DOCK1: variants seen among roughly 807,000 people sequenced by gnomAD.
DOCK1 encodes the protein dedicator of cytokinesis protein 1.
A neutral mutation model predicts 262.7 loss-of-function variants in DOCK1; 138 were observed. That is an observed-to-expected ratio of 0.53 (90% CI 0.46 to 0.61). The LOEUF (loss-of-function observed/expected upper bound fraction) is 0.61. Ranked by LOEUF, DOCK1 falls within the 20% of genes least tolerant of loss-of-function variation. The pLI, the probability that DOCK1 is intolerant of heterozygous loss-of-function variation, is 0.00. For synonymous variants in DOCK1, 866 were observed against 867.4 expected (o/e 1.00, Z 0.03); for missense variants, 1,908 against 2,370.7 (o/e 0.80, Z 4.05).
chr10:127,363,144 G>T (rs1477010841), intron 33 of DOCK1, among the ~76,000 whole-genome samples: 1 of 149,814 alleles, frequency 6.7e-6, no homozygotes. Context: ...GTTTGGCCAT[G>T]ATGCTTTGCA....
intron 29 of DOCK1, among the ~76,000 whole-genome samples, chr10:127,318,660 A>G (rs886633689): frequency 2.6e-5 from 4 of 152,130 alleles, no homozygotes; most frequent in Non-Finnish European, 5.9e-5. Flanking sequence ...TCATTGTGTA[A>G]GGTGTTTTGA....
chr10:127,194,672 C>G (rs1488845011), intron 27 of DOCK1, among the ~76,000 whole-genome samples: 2 of 152,286 alleles, frequency 1.3e-5, no homozygotes, highest in Admixed American at 6.5e-5. Flanking sequence ...ACAGTCCCCC[C>G]ACTGAGATAA....
rs1004876591 is a variant in DOCK1 at position 127,175,612 on chromosome 10, T to G, written c.2847+47848T>G. Reference sequence around the variant, plus strand: ...AAACCAGGCTCGGGGGCCCTGGCACTGAGGGCAGGTGCGTAAACGGTGGCA... The same window carrying G: ...AAACCAGGCTCGGGGGCCCTGGCACGGAGGGCAGGTGCGTAAACGGTGGCA... On this transcript the variant is annotated intron_variant, in intron 27 of 51. Transcript: ENST00000623213. The surrounding 1 kb of genome is among the most constrained non-coding windows in gnomAD (Gnocchi z 6.3). 1 of 1,612,870 alleles carries G rather than the reference T, an allele frequency of 6.2e-7. No homozygotes were observed. The highest frequency in any genetic ancestry group is 1.3e-5 in the African/African-American group (1 of 74,926).
At chr10:127,005,713 C>T (rs11017446) in intron 10 of DOCK1, among the ~76,000 whole-genome samples, 14,356 of 151,964 alleles carry the variant, frequency 0.094, 891 homozygotes, top group African/African-American at 0.17. Context: ...CAGGGTAGTA[C>T]CTCATGTTTA....
At chr10:127,140,786 G>T (rs1048950650) in intron 27 of DOCK1, among the ~76,000 whole-genome samples, 3 of 152,200 alleles carry the variant, frequency 2.0e-5, no homozygotes, top group South Asian at 2.1e-4. Context: ...TAGCTAAATG[G>T]ATCAAAAGGC....
At chr10:127,286,022 G>A (rs996657951) in intron 29 of DOCK1, among the ~76,000 whole-genome samples, 2 of 152,150 alleles carry the variant, frequency 1.3e-5, no homozygotes, top group African/African-American at 4.8e-5. Flanking sequence ...GTCCTAGCAT[G>A]CCCTTTTTCC....
At chr10:126,913,204 CT>C (rs1591292756) in intron 1 of DOCK1, among the ~76,000 whole-genome samples, 1 of 152,322 alleles carries the variant, frequency 6.6e-6, no homozygotes, top group East Asian at 1.9e-4. Flanking sequence ...GTGAGTGTGG[CT>C]CAGTCTCTGA....
rs1386524728 is a variant in DOCK1 at position 127,425,920 on chromosome 10, C to T, written c.4823C>T (p.Thr1608Met). 7 of 1,613,858 alleles carry T rather than the reference C, an allele frequency of 4.3e-6. No individual in the cohort carries two copies. Among genetic ancestry groups the T allele is most frequent in the African/African-American group, 4.0e-5 (3 of 74,920 alleles). The change falls in exon 47 of 52, where the codon ACG becomes ATG. Residue 1608 changes from threonine to methionine, a missense_variant. Physicochemically the swap from Thr to Met is moderately conservative, Grantham distance 81. Around this residue, in one of 9 missense-constraint regions of DOCK1, gnomAD observed 383 missense variants for 420.1 expected, o/e 0.91. Transcript: ENST00000623213. ...ATCAGAATCCATGGAGACAAAGTCA[C>T]GGAGGCACTGAGGCCGTTCCACGAG... is the stretch of plus-strand genomic sequence containing the variant. ...EGIRIHGDKVTEALRPFHERM... is the reference protein window; with the variant it reads ...EGIRIHGDKVMEALRPFHERM...
chr10:127,265,543 C>CT (rs2060324073), intron 29 of DOCK1, among the ~76,000 whole-genome samples: 1 of 152,200 alleles, frequency 6.6e-6, no homozygotes, highest in African/African-American at 2.4e-5. Flanking sequence ...ATGATTCATC[C>CT]TTCTTTCAAC....
intron 38 of DOCK1, among the ~76,000 whole-genome samples, chr10:127,399,034 G>A (rs766508276): frequency 6.6e-6 from 1 of 152,166 alleles, no homozygotes; most frequent in East Asian, 1.9e-4. Context: ...AAACCAAGAG[G>A]TTCAGAAGAA....
At position 127,354,706 on chromosome 10, in the gene DOCK1, A is replaced by G. The variant is rs987430227; in HGVS notation, c.3262A>G (p.Arg1088Gly). The G allele has an allele frequency of 6.2e-7, 1 of 1,613,842 alleles. No homozygotes were observed. Among genetic ancestry groups the G allele is most frequent in the African/African-American group, 1.3e-5 (1 of 74,936 alleles). ...GAGGAGACAGATTGGCTTTGAAATC[A>G]GAGACATGTGGTACAACCTTGGTGA... ...DMRRQIGFEI[R>G]DMWYNLGQHK... is the part of the protein sequence containing the mutation. Residue 1088 changes from arginine (R) to glycine (G), a missense_variant, in exon 32 of 52, where the codon AGA (arginine) becomes GGA (glycine). Physicochemically the swap from Arg to Gly is moderately radical, Grantham distance 125. Transcript: ENST00000623213.
chr10:127,010,568 G>T (rs950715270), intron 11 of DOCK1, among the ~76,000 whole-genome samples: 1 of 152,166 alleles, frequency 6.6e-6, no homozygotes, highest in Non-Finnish European at 1.5e-5. Flanking sequence ...CAGTGGCCCC[G>T]TCCTGGGCAG....
At chr10:127,070,739 CAT>C (rs1231525789) in intron 23 of DOCK1, among the ~76,000 whole-genome samples, 1 of 150,860 alleles carries the variant, frequency 6.6e-6, no homozygotes, top group African/African-American at 2.4e-5. Flanking sequence ...CTAGTGTGCA[CAT>C]GAGTCACCTG....
At chr10:127,309,355 T>C (rs2061983005) in intron 29 of DOCK1, among the ~76,000 whole-genome samples, 1 of 152,178 alleles carries the variant, frequency 6.6e-6, no homozygotes, top group South Asian at 2.1e-4. Context: ...GTCAGATGGG[T>C]AGATTGCAAA....
intron 33 of DOCK1, among the ~76,000 whole-genome samples, chr10:127,363,339 G>A (rs143926175): frequency 0.018 from 2,792 of 152,184 alleles, 99 homozygotes; most frequent in African/African-American, 0.064. Context: ...GTGAGACTCC[G>A]TCTCTACAAA....
Position 127,451,782 on chromosome 10 carries a change from C to T in DOCK1, c.*355C>T, listed in dbSNP as rs976945232. ...AGAGCTCAATTGCTCTGAGCTCAGC[C>T]AAGTAGGAGAGGCTAGGCCATCACT... On this transcript the variant is annotated 3_prime_UTR_variant, in exon 52 of 52. Coordinates refer to ENST00000623213, the MANE Select transcript of DOCK1 (RefSeq NM_001290223.2). 32 of 304,522 alleles carry T rather than the reference C, an allele frequency of 1.1e-4. No individual in the cohort carries two copies. The highest frequency in any genetic ancestry group is 1.8e-4 in the Non-Finnish European group (28 of 159,182). The allele number at this position is 304,522 out of a possible 1,614,324, so 18.9% of individuals were successfully genotyped here.
At chr10:127,361,365 T>C (rs59978382) in intron 32 of DOCK1, among the ~76,000 whole-genome samples, 615 of 152,230 alleles carry the variant, frequency 4.0e-3, no homozygotes, top group African/African-American at 6.6e-3. Flanking sequence ...CTGCCCGCCT[T>C]GGCCTCCCAA....
At chr10:127,260,306 A>T (rs1365343776) in intron 29 of DOCK1, among the ~76,000 whole-genome samples, 1 of 152,198 alleles carries the variant, frequency 6.6e-6, no homozygotes, top group Non-Finnish European at 1.5e-5. Context: ...TCCTCTCAGC[A>T]GTTGATTGGA....
intron 1 of DOCK1, among the ~76,000 whole-genome samples, chr10:126,919,832 C>T (rs1205817098): frequency 6.6e-6 from 1 of 152,204 alleles, no homozygotes; most frequent in East Asian, 1.9e-4. Flanking sequence ...TCTCTCTTCC[C>T]AGCACCTGCT....
Sources: gnomAD v4.1 joint callset for allele counts (sites outside exome capture counted in the v4.1 genomes callset) on GRCh38, gnomAD v4.1.1 for gene constraint, gnomAD v4.1.1 regional missense constraint, Gnocchi (gnomAD v3.1) non-coding constraint, MANE v1.5 for transcripts, NCBI Gene and HGNC (gene_info 2026-07-23, HGNC 2026-07-21) for gene names.